SLC35A1: variants seen among roughly 807,000 people sequenced by gnomAD.
SLC35A1 encodes the protein CMP-sialic acid transporter.
Under a neutral mutation model 40.3 loss-of-function variants are expected in SLC35A1, and 21 were observed. That is an observed-to-expected ratio of 0.52 (90% CI 0.37 to 0.75). SLC35A1 has a LOEUF of 0.75. Ranked by LOEUF, SLC35A1 falls within the 30% of genes least tolerant of loss-of-function variation. The pLI, the probability that SLC35A1 is intolerant of heterozygous loss-of-function variation, is 0.00. For synonymous variants in SLC35A1, 146 were observed against 147.3 expected, an observed-to-expected ratio of 0.99 and a Z score of 0.06; for missense variants, 297 against 382.1, an observed-to-expected ratio of 0.78 and a Z score of 1.86.
chr6:87,481,330 T>A (rs968191659), intron 2 of SLC35A1, among the ~76,000 whole-genome samples: 5 of 151,540 alleles, frequency 3.3e-5, no homozygotes, highest in Admixed American at 6.6e-5. Context: ...GGCAGGAGAA[T>A]CGCTTGAACC....
intron 7 of SLC35A1, among the ~76,000 whole-genome samples, chr6:87,511,085 A>T (rs548378369): frequency 7.9e-5 from 12 of 151,894 alleles, no homozygotes; most frequent in South Asian, 4.1e-4. Context: ...ACTTACATTT[A>T]AAAAAAATTA....
intron 2 of SLC35A1, among the ~76,000 whole-genome samples, chr6:87,488,975 G>A (rs1021756290): frequency 1.3e-5 from 2 of 152,202 alleles, no homozygotes; most frequent in African/African-American, 4.8e-5. Flanking sequence ...AGACCCCATT[G>A]TCTTTTGTTC....
chr6:87,476,478 A>G (rs1769073303), intron 1 of SLC35A1, among the ~76,000 whole-genome samples: 1 of 152,192 alleles, frequency 6.6e-6, no homozygotes, highest in African/African-American at 2.4e-5. Flanking sequence ...TAATCCCAGC[A>G]GTTTGGGAGG....
intron 2 of SLC35A1, among the ~76,000 whole-genome samples, chr6:87,484,429 A>G (rs761322483): frequency 6.6e-6 from 1 of 152,196 alleles, no homozygotes; most frequent in African/African-American, 2.4e-5. Flanking sequence ...CAGTTGGAGC[A>G]GTGGTGAGCA....
chr6:87,497,376 T>C (rs1769761940), intron 2 of SLC35A1, among the ~76,000 whole-genome samples: 1 of 152,114 alleles, frequency 6.6e-6, no homozygotes, highest in Non-Finnish European at 1.5e-5. Flanking sequence ...AAAAAATAGC[T>C]CCTAAGCATC....
In SLC35A1 at chr6:87,510,858, C is replaced by T. The variant is rs201269428; in HGVS notation, c.887-541C>T. Among the ~76,000 whole-genome samples the T allele has an allele frequency of 4.5e-4, 67 of 148,346 alleles. No individual in the cohort carries two copies. In the East Asian group the frequency reaches 5.5e-3, roughly 12 times the overall value. ...TGCACTCCAGCCTGGGCAACAAAAGCGAAACTCCGTCTCAAAAAAAAAAAA... is the reference window on the plus strand; with the variant it reads ...TGCACTCCAGCCTGGGCAACAAAAGTGAAACTCCGTCTCAAAAAAAAAAAA... On this transcript the variant is annotated intron_variant, in intron 7 of 7. Transcript: ENST00000369552.
chr6:87,484,226 C>T (rs190531382), intron 2 of SLC35A1, among the ~76,000 whole-genome samples: 51 of 152,242 alleles, frequency 3.3e-4, no homozygotes, highest in African/African-American at 1.0e-3. Flanking sequence ...CCCCTGAGGA[C>T]GCCACAAGGG....
chr6:87,511,334 A>G, intron 7 of SLC35A1, 65 bp from the exon 8 acceptor site: 1 of 1,570,460 alleles, frequency 6.4e-7, no homozygotes, highest in Non-Finnish European at 8.7e-7. Context: ...TCAAAATTTT[A>G]AACTGATCAT....
chr6:87,496,794 A>C (rs1320033557), intron 2 of SLC35A1, among the ~76,000 whole-genome samples: 2 of 148,624 alleles, frequency 1.3e-5, no homozygotes, highest in Non-Finnish European at 3.0e-5. Flanking sequence ...AAAAAAAAAA[A>C]GAAAAACCCA....
intron 2 of SLC35A1, among the ~76,000 whole-genome samples, chr6:87,493,931 A>G (rs1353829402): frequency 1.3e-5 from 2 of 152,230 alleles, no homozygotes; most frequent in Non-Finnish European, 2.9e-5. Context: ...ATAAGAAGTT[A>G]GAACTGGAAA....
At chr6:87,481,170 C>G (rs981209912) in intron 2 of SLC35A1, among the ~76,000 whole-genome samples, 1 of 152,044 alleles carries the variant, frequency 6.6e-6, no homozygotes, top group Non-Finnish European at 1.5e-5. Context: ...AATCCCAGCA[C>G]TTTGGGAGGC....
intron 2 of SLC35A1, among the ~76,000 whole-genome samples, chr6:87,488,791 C>A (rs1056827505): frequency 9.2e-5 from 14 of 152,202 alleles, no homozygotes; most frequent in African/African-American, 3.4e-4. Context: ...GGGACTAATT[C>A]ATACAATCTC....
intron 4 of SLC35A1, among the ~76,000 whole-genome samples, chr6:87,503,181 A>G (rs1194280497): frequency 6.6e-6 from 1 of 152,034 alleles, no homozygotes; most frequent in African/African-American, 2.4e-5. Context: ...CTTACTGAAC[A>G]TATCATCTCT....
At chr6:87,501,696 T>C (rs896851867) in intron 4 of SLC35A1, among the ~76,000 whole-genome samples, 2 of 152,186 alleles carry the variant, frequency 1.3e-5, no homozygotes, top group African/African-American at 2.4e-5. Flanking sequence ...CTTTCAAACA[T>C]CTCAGAAACA....
intron 2 of SLC35A1, among the ~76,000 whole-genome samples, chr6:87,494,037 T>C (rs1769639841): frequency 6.6e-6 from 1 of 151,550 alleles, no homozygotes; most frequent in Non-Finnish European, 1.5e-5. Flanking sequence ...AAGAGATTGC[T>C]GGGCCTTGTG....
intron 2 of SLC35A1, among the ~76,000 whole-genome samples, chr6:87,482,031 T>C (rs894595080): frequency 2.0e-5 from 3 of 152,218 alleles, no homozygotes; most frequent in Admixed American, 6.5e-5. Flanking sequence ...GTTTCTTCAA[T>C]AGTTTTACAT....
chr6:87,507,428 A>T (rs746348034), intron 5 of SLC35A1, among the ~76,000 whole-genome samples: 1 of 152,168 alleles, frequency 6.6e-6, no homozygotes, highest in Admixed American at 6.5e-5. Flanking sequence ...TATGTCCAAC[A>T]TTTTATTAGT....
intron 1 of SLC35A1, among the ~76,000 whole-genome samples, chr6:87,475,318 G>A (rs927363936): frequency 3.3e-5 from 5 of 152,146 alleles, no homozygotes; most frequent in Non-Finnish European, 5.9e-5. Flanking sequence ...GTAAACTGGC[G>A]ACATATATAG....
chr6:87,501,388 T>C, intron 4 of SLC35A1, 78 bp downstream of exon 4: 3 of 1,372,486 alleles, frequency 2.2e-6, no homozygotes, highest in Non-Finnish European at 3.1e-6. Flanking sequence ...GTTACATTGA[T>C]GCATGCAGCA....
Sources: gnomAD v4.1 joint callset for allele counts (sites outside exome capture counted in the v4.1 genomes callset) on GRCh38, gnomAD v4.1.1 for gene constraint, MANE v1.5 for transcripts, NCBI Gene and HGNC (gene_info 2026-07-23, HGNC 2026-07-21) for gene names.